MYO16: variants seen among roughly 807,000 people sequenced by gnomAD.
The protein encoded by MYO16 is unconventional myosin-XVI.
Under a neutral mutation model 205.3 loss-of-function variants are expected in MYO16, and 94 were observed. That is an observed-to-expected ratio of 0.46 (90% confidence interval 0.39 to 0.54). The LOEUF is 0.54. Among genes scored for constraint, MYO16 ranks in the 20% least tolerant of loss-of-function variants. The pLI is 0.00. For missense variants in MYO16, 2,315 were observed against 2,387.5 expected (o/e 0.97, Z 0.63); for synonymous variants, 988 against 954.0 (o/e 1.04, Z -0.66).
At chr13:109,050,259 CTCTT>C (rs1887201702) in intron 24 of MYO16, among the ~76,000 whole-genome samples, 1 of 152,022 alleles carries the variant, frequency 6.6e-6, no homozygotes, top group Non-Finnish European at 1.5e-5. Context: ...GCTTTTCTCT[CTCTT>C]TCATGACTTT....
At chr13:108,818,651 A>C (rs544601951) in intron 7 of MYO16, among the ~76,000 whole-genome samples, 2 of 152,264 alleles carry the variant, frequency 1.3e-5, no homozygotes, top group South Asian at 4.1e-4. Context: ...TGGATAGGGC[A>C]TGCATAAAAT....
chr13:109,160,801 TCTC>T (rs1878344747), intron 32 of MYO16, among the ~76,000 whole-genome samples: 1 of 152,178 alleles, frequency 6.6e-6, no homozygotes, highest in African/African-American at 2.4e-5. Flanking sequence ...TTTCTAAAAT[TCTC>T]CTGAAAGCAT....
Position 108,754,448 on chromosome 13 carries a change from G to GA in MYO16, c.507+26869dup, listed in dbSNP as rs562688441. On this transcript the variant is annotated intron_variant, in intron 4 of 34. Coordinates refer to ENST00000457511, the MANE Select transcript of MYO16 (RefSeq NM_001198950.3). Reference sequence around the variant, plus strand: ...TATTGACATACATAGCTCTCTGACAGAAAACTATATTGACATACTGAACAA... The same window carrying GA: ...TATTGACATACATAGCTCTCTGACAGAAAAACTATATTGACATACTGAACAA... 2.5e-3 allele frequency among the ~76,000 whole-genome samples: 388 copies of GA among 152,282 alleles called. 2 individuals carry two copies. Among genetic ancestry groups the GA allele is most frequent in the Admixed American group, 4.8e-3 (73 of 15,292 alleles).
chr13:109,124,910 A>G (rs569502705), intron 29 of MYO16, among the ~76,000 whole-genome samples: 1 of 152,306 alleles, frequency 6.6e-6, no homozygotes, highest in African/African-American at 2.4e-5. Flanking sequence ...TTTATCATCA[A>G]TATATTGCCT....
intron 34 of MYO16, among the ~76,000 whole-genome samples, chr13:109,203,668 A>G (rs1424195620): frequency 1.3e-5 from 2 of 152,314 alleles, no homozygotes; most frequent in Non-Finnish European, 2.9e-5. Context: ...CAGAGCTCCC[A>G]GCCTGACTCT....
intron 23 of MYO16, among the ~76,000 whole-genome samples, chr13:109,028,914 T>C (rs946281599): frequency 2.0e-5 from 3 of 151,510 alleles, no homozygotes; most frequent in African/African-American, 7.3e-5. Context: ...ATACGTAGAT[T>C]TTTTTCTTCT....
At chr13:108,718,837 A>G (rs943344202) in intron 3 of MYO16, among the ~76,000 whole-genome samples, 1 of 152,140 alleles carries the variant, frequency 6.6e-6, no homozygotes, top group African/African-American at 2.4e-5. Flanking sequence ...TGAGATATCC[A>G]GCTGAATCTT....
rs148011763 is a variant in MYO16 at position 109,094,924 on chromosome 13, A to T, written c.3336-5861A>T. Among the ~76,000 whole-genome samples, 131 of 140,798 alleles carry T rather than the reference A, an allele frequency of 9.3e-4. 1 individual carries two copies. Among genetic ancestry groups the T allele is most frequent in the African/African-American group, 3.3e-3 (122 of 37,420 alleles). 92.4% of individuals were successfully genotyped at this position (140,798 alleles called of 152,430 possible). A position where few individuals can be genotyped will look rare whatever the true frequency, so the allele number is the denominator to read the frequency against. On this transcript the variant is annotated intron_variant, in intron 27 of 34. Transcript: ENST00000457511. Reference sequence around the variant, plus strand: ...CTGATGGGCATTTGGGTTGGTTCCAAGATTGCTTTTTAATTCTAGCTCTCT... The same window carrying T: ...CTGATGGGCATTTGGGTTGGTTCCATGATTGCTTTTTAATTCTAGCTCTCT...
chr13:108,918,989 A>ACT (rs10671452), intron 16 of MYO16, among the ~76,000 whole-genome samples: 150,311 of 151,392 alleles, frequency 0.99, 74,629 homozygotes, highest in Middle Eastern at 1. Context: ...TCAAACTTAT[A>ACT]CTCTGTTTTG....
At chr13:108,496,946 C>G in the MYO16 span, among the ~76,000 whole-genome samples, 1 of 152,202 alleles carries the variant, frequency 6.6e-6, no homozygotes, top group Non-Finnish European at 1.5e-5. Flanking sequence ...CCCGGAGCCT[C>G]TTCTGAGTTA....
intron 15 of MYO16, among the ~76,000 whole-genome samples, chr13:108,899,252 C>T (rs1292237599): frequency 4.6e-5 from 7 of 151,888 alleles, no homozygotes; most frequent in East Asian, 1.9e-4. Context: ...GGAGAAACCC[C>T]GTCTCTACTA....
chr13:108,542,577 G>A, the MYO16 span, among the ~76,000 whole-genome samples: 1 of 152,080 alleles, frequency 6.6e-6, no homozygotes, highest in Non-Finnish European at 1.5e-5. Flanking sequence ...AGTTAAACAT[G>A]CAAATTTATC....
intron 13 of MYO16, among the ~76,000 whole-genome samples, chr13:108,885,460 G>T (rs1224698554): frequency 6.6e-6 from 1 of 152,120 alleles, no homozygotes; most frequent in Admixed American, 6.5e-5. Flanking sequence ...GCAGAGATGG[G>T]GGCTTCCACC....
intron 4 of MYO16, among the ~76,000 whole-genome samples, chr13:108,767,461 C>T (rs1220252077): frequency 2.0e-5 from 3 of 150,708 alleles, no homozygotes; most frequent in Non-Finnish European, 4.4e-5. Flanking sequence ...CATCTCAGGA[C>T]ATGGTACATT....
At chr13:108,772,365 G>T (rs1033730736) in intron 4 of MYO16, among the ~76,000 whole-genome samples, 1 of 151,754 alleles carries the variant, frequency 6.6e-6, no homozygotes. Context: ...AAAGAAAAAA[G>T]AAAAGAAAAG....
At position 108,636,045 on chromosome 13, in the gene MYO16, T is replaced by C. The variant is rs181272349; in HGVS notation, c.28+6173T>C. Among the ~76,000 whole-genome samples the C allele has an allele frequency of 4.8e-3, 728 of 152,210 alleles. 1 individual carries two copies. Among genetic ancestry groups the C allele is most frequent in the Admixed American group, 7.4e-3 (113 of 15,288 alleles). ...GTGTGTGATTTAAGGTAAGAGTTAC[T>C]TCTTTCCCTGTTTCATTTCTGCATG... On this transcript the variant is annotated intron_variant, in intron 1 of 34. Coordinates refer to ENST00000457511, the MANE Select transcript of MYO16 (RefSeq NM_001198950.3).
At chr13:108,750,285 G>A (rs919668126) in intron 4 of MYO16, among the ~76,000 whole-genome samples, 4 of 152,096 alleles carry the variant, frequency 2.6e-5, no homozygotes, top group Non-Finnish European at 2.9e-5. Context: ...GGCTGTCCTG[G>A]GATCCAAAGA....
chr13:108,817,638 T>C (rs566666672), intron 7 of MYO16, among the ~76,000 whole-genome samples: 17 of 152,204 alleles, frequency 1.1e-4, no homozygotes, highest in Non-Finnish European at 2.4e-4. Flanking sequence ...GTGTCCATTT[T>C]ATTGCCTTTA....
At chr13:108,944,183 T>TA (rs1882846411) in intron 16 of MYO16, among the ~76,000 whole-genome samples, 1 of 152,206 alleles carries the variant, frequency 6.6e-6, no homozygotes, top group African/African-American at 2.4e-5. Flanking sequence ...GTGCTTGTTG[T>TA]AAGAACATTC....
Sources: gnomAD v4.1 joint callset for allele counts (sites outside exome capture counted in the v4.1 genomes callset) on GRCh38, gnomAD v4.1.1 for gene constraint, MANE v1.5 for transcripts, NCBI Gene and HGNC (gene_info 2026-07-23, HGNC 2026-07-21) for gene names.